Variants in PRR11 observed in about 807,000 individuals in gnomAD.
The protein encoded by PRR11 is proline rich 11.
In PRR11, 30 loss-of-function variants were observed where a neutral mutation model predicts 45.6. The ratio of observed to expected loss-of-function variants is 0.66; its 90% CI spans 0.49 to 0.89. The LOEUF is 0.89. PRR11 is among the 40% of genes least tolerant of loss of function. The pLI is 0.00. For missense variants in PRR11, 373 were observed against 424.8 expected, an observed-to-expected ratio of 0.88 and a Z score of 1.07; for synonymous variants, 128 against 153.5, an observed-to-expected ratio of 0.83 and a Z score of 1.23.
rs1186246169 is a variant in PRR11, at chr17:59,193,484, T to C, written c.403-8T>C. 6.2e-7 allele frequency: 1 copy of C among 1,613,880 alleles called. No individual in the cohort carries two copies. The highest frequency in any genetic ancestry group is 2.2e-5 in the East Asian group (1 of 44,902). ...TATTTATTTGCCAAATGTGATGTCT[T>C]CTTCCAGACCATCTCAGAAAGTTCT... On this transcript the variant is annotated splice_region_variant and splice_polypyrimidine_tract_variant and intron_variant, in intron 4 of 9. Coordinates refer to ENST00000262293, the MANE Select transcript of PRR11 (RefSeq NM_018304.4).
chr17:59,178,096 G>A (rs1404422123), intron 2 of PRR11, among the ~76,000 whole-genome samples: 2 of 151,972 alleles, frequency 1.3e-5, no homozygotes, highest in African/African-American at 4.8e-5. Flanking sequence ...CATTTTGGGA[G>A]GCCAAGGCAA....
In PRR11 at chr17:59,202,394, C is replaced by T. The variant is rs974039894; in HGVS notation, c.*763C>T. ...TGGGCAACATAATACAGGGAGACCC[C>T]GTTTCTATTAAAAATACAAAAATCA... is the stretch of plus-strand genomic sequence containing the variant. On this transcript the variant is annotated 3_prime_UTR_variant, in exon 10 of 10. Coordinates refer to ENST00000262293, the MANE Select transcript of PRR11 (RefSeq NM_018304.4). 1.1e-4 allele frequency: 17 copies of T among 152,036 alleles called. No individual in the cohort carries two copies. The highest frequency in any genetic ancestry group is 2.4e-4 in the Non-Finnish European group (16 of 68,010). The allele number at this position is 152,036 out of a possible 1,614,324, so 9.4% of individuals were successfully genotyped here. A position where few individuals can be genotyped will look rare whatever the true frequency, so the allele number is the denominator to read the frequency against.
At chr17:59,175,344 G>A (rs540874974) in intron 2 of PRR11, among the ~76,000 whole-genome samples, 2 of 152,342 alleles carry the variant, frequency 1.3e-5, no homozygotes, top group South Asian at 4.1e-4. Flanking sequence ...CCAACTGGTG[G>A]CCGAGAGTGG....
chr17:59,201,840 G>A lies in PRR11; in HGVS notation c.*209G>A, dbSNP rs1303328455. 7 of 512,178 alleles carry A rather than the reference G, an allele frequency of 1.4e-5. No individual in the cohort carries two copies. The East Asian group carries it at 1.4e-4, about 10-fold the overall frequency. 31.7% of individuals were successfully genotyped at this position (512,178 alleles called of 1,614,324 possible). ...ACAGAAATTAGCTGGGCATAGTGGC[G>A]GGTGCCTGTAATCCCAGCTATGCGG... On this transcript the variant is annotated 3_prime_UTR_variant, in exon 10 of 10. Coordinates refer to ENST00000262293, the MANE Select transcript of PRR11 (RefSeq NM_018304.4).
At chr17:59,181,625 C>T (rs1250984810) in intron 2 of PRR11, 2 of 1,472,702 alleles carry the variant, frequency 1.4e-6, no homozygotes, top group East Asian at 4.9e-5. Context: ...CAGGTCTCCT[C>T]AGGCTCAGGG....
At chr17:59,190,583 A>G (rs1440203253) in intron 4 of PRR11, among the ~76,000 whole-genome samples, 1 of 152,260 alleles carries the variant, frequency 6.6e-6, no homozygotes, top group Non-Finnish European at 1.5e-5. Context: ...TTTAGCCACA[A>G]GTGGCAGAAA....
intron 1 of PRR11, among the ~76,000 whole-genome samples, chr17:59,162,586 A>G (rs908353026): frequency 3.3e-5 from 5 of 152,166 alleles, no homozygotes; most frequent in Non-Finnish European, 7.3e-5. Flanking sequence ...AGGCAACACT[A>G]TTAAGTCTTG....
At position 59,176,684 on chromosome 17, in the gene PRR11, C is replaced by CTTT. The variant is rs71367676; in HGVS notation, c.128+6832_128+6834dup. Among the ~76,000 whole-genome samples, 249 of 39,018 alleles carry CTTT rather than the reference C, an allele frequency of 6.4e-3. 50 individuals carry two copies. The highest frequency in any genetic ancestry group is 0.024 in the African/African-American group (200 of 8,246). The allele number at this position is 39,018 out of a possible 152,430, so 25.6% of individuals were successfully genotyped here. A position where few individuals can be genotyped will look rare whatever the true frequency, so the allele number is the denominator to read the frequency against. ...TGGCGTTGGAATTTGGTTTTTTTGG[C>CTTT]TTTTTTTTTTTTTTTTTTTTTTTTT... On this transcript the variant is annotated intron_variant, in intron 2 of 9. Coordinates refer to ENST00000262293, the MANE Select transcript of PRR11 (RefSeq NM_018304.4).
At chr17:59,180,678 G>A (rs1389765931) in intron 2 of PRR11, among the ~76,000 whole-genome samples, 1 of 149,950 alleles carries the variant, frequency 6.7e-6, no homozygotes, top group Non-Finnish European at 1.5e-5. Context: ...GCTAAGTTTT[G>A]TATTTTTAGT....
chr17:59,188,796 C>A (rs1192310249), intron 4 of PRR11, among the ~76,000 whole-genome samples: 1 of 151,652 alleles, frequency 6.6e-6, no homozygotes, highest in Non-Finnish European at 1.5e-5. Context: ...AAAAATTAGC[C>A]TGGCATGGTG....
intron 2 of PRR11, chr17:59,179,681 G>C (rs2046769950): frequency 1.4e-6 from 2 of 1,459,854 alleles, no homozygotes; most frequent in Admixed American, 3.4e-5. Flanking sequence ...GTGGTGCTCA[G>C]GGAGCACGGG....
At chr17:59,187,590 C>T (rs955423678) in intron 4 of PRR11, among the ~76,000 whole-genome samples, 8 of 151,312 alleles carry the variant, frequency 5.3e-5, no homozygotes, top group African/African-American at 4.9e-5. Context: ...CAGGGCTGAG[C>T]GCAGTGGCTC....
At chr17:59,199,543 C>G (rs2046882642) in intron 9 of PRR11, among the ~76,000 whole-genome samples, 1 of 152,260 alleles carries the variant, frequency 6.6e-6, no homozygotes, top group African/African-American at 2.4e-5. Flanking sequence ...TCTTCCAAAC[C>G]CTGTTGATCT....
chr17:59,180,133 T>TGC (rs2046773539), intron 2 of PRR11, among the ~76,000 whole-genome samples: 31 of 147,498 alleles, frequency 2.1e-4, no homozygotes, highest in African/African-American at 7.8e-4. Context: ...TCTCCTTTTT[T>TGC]TTTTTTTTTT....
At position 59,179,734 on chromosome 17, in the gene PRR11, C is replaced by T. The variant is rs769652327; in HGVS notation, c.129-5320C>T. The T allele has an allele frequency of 3.4e-5, 48 of 1,411,306 alleles. No homozygotes were observed. In the Admixed American group the frequency reaches 6.0e-4, roughly 18 times the overall value. The allele number at this position is 1,411,306 out of a possible 1,614,324, so 87.4% of individuals were successfully genotyped here. On this transcript the variant is annotated intron_variant, in intron 2 of 9. Transcript: ENST00000262293. ...TCAGCTTCATCTTGAGCCCACACAGCGTCTCCGCCACCCAGGTCTCCTCAG... is the reference window on the plus strand; with the variant it reads ...TCAGCTTCATCTTGAGCCCACACAGTGTCTCCGCCACCCAGGTCTCCTCAG...
intron 2 of PRR11, among the ~76,000 whole-genome samples, chr17:59,184,700 C>T (rs2046804960): frequency 6.6e-6 from 1 of 152,146 alleles, no homozygotes; most frequent in Non-Finnish European, 1.5e-5. Flanking sequence ...CTATCTCTCT[C>T]CTAGTTAACA....
chr17:59,166,921 T>C (rs895089214), intron 1 of PRR11, among the ~76,000 whole-genome samples: 2 of 151,488 alleles, frequency 1.3e-5, no homozygotes, highest in Non-Finnish European at 2.9e-5. Flanking sequence ...CCCAGCACTT[T>C]GGGAGGCCGA....
intron 4 of PRR11, among the ~76,000 whole-genome samples, chr17:59,190,492 A>G (rs2046835875): frequency 6.6e-6 from 1 of 152,032 alleles, no homozygotes; most frequent in South Asian, 2.1e-4. Flanking sequence ...AAAAAAAAAA[A>G]GAAAAAAGAA....
At chr17:59,199,408 G>A (rs2046882008) in intron 9 of PRR11, among the ~76,000 whole-genome samples, 1 of 152,204 alleles carries the variant, frequency 6.6e-6, no homozygotes, top group Admixed American at 6.6e-5. Context: ...GAAAGACAGG[G>A]ATGGAGATGT....
Sources: allele counts gnomAD v4.1 joint callset (sites outside exome capture counted in the v4.1 genomes callset), GRCh38; gene constraint gnomAD v4.1.1; transcripts MANE v1.5; gene names NCBI Gene and HGNC (gene_info 2026-07-23, HGNC 2026-07-21).